The following CNTNAP5 variants were observed in gnomAD, a reference collection of about 807,000 sequenced individuals.
CNTNAP5 encodes the protein contactin associated protein family member 5, also known as contactin-associated protein-like 5.
Under a neutral mutation model 150.2 loss-of-function variants are expected in CNTNAP5, and 72 were observed. The observed-to-expected ratio is 0.48, with a 90% CI of 0.40 to 0.58. The LOEUF is 0.58. CNTNAP5 is among the 20% of genes least tolerant of loss of function. The pLI is 0.00. For missense variants in CNTNAP5, 1,636 were observed against 1,626.2 expected, an observed-to-expected ratio of 1.01 and a Z score of -0.10; for synonymous variants, 672 against 619.8, an observed-to-expected ratio of 1.08 and a Z score of -1.25.
intron 3 of CNTNAP5, among the ~76,000 whole-genome samples, chr2:124,386,659 C>A (rs1032974061): frequency 6.6e-6 from 1 of 152,232 alleles, no homozygotes; most frequent in Non-Finnish European, 1.5e-5. Context: ...TCCCCCTACA[C>A]ACTTTGACAG....
At chr2:124,471,146 A>G (rs943333349) in intron 6 of CNTNAP5, among the ~76,000 whole-genome samples, 10 of 152,166 alleles carry the variant, frequency 6.6e-5, no homozygotes, top group African/African-American at 1.9e-4. Context: ...CATTGAATCT[A>G]TACATTGCTT....
chr2:124,371,806 C>T (rs1028976817), intron 3 of CNTNAP5, among the ~76,000 whole-genome samples: 1 of 152,112 alleles, frequency 6.6e-6, no homozygotes, highest in African/African-American at 2.4e-5. Context: ...ACCACTTCCA[C>T]TTTCATTGAT....
chr2:124,656,055 T>G (rs1678450374), intron 13 of CNTNAP5, among the ~76,000 whole-genome samples: 1 of 120,678 alleles, frequency 8.3e-6, no homozygotes, highest in Non-Finnish European at 1.9e-5. Context: ...AATAAGACTT[T>G]ATCTCAAAAA....
intron 13 of CNTNAP5, among the ~76,000 whole-genome samples, chr2:124,711,180 A>G (rs1166385560): frequency 6.6e-6 from 1 of 152,134 alleles, no homozygotes; most frequent in African/African-American, 2.4e-5. Context: ...CTGAGACAGG[A>G]GAACAGCTTG....
intron 3 of CNTNAP5, among the ~76,000 whole-genome samples, chr2:124,295,188 T>C (rs1688390915): frequency 6.6e-6 from 1 of 151,744 alleles, no homozygotes. Flanking sequence ...TTGCACATGG[T>C]TCTCAGGTTG....
intron 1 of CNTNAP5, among the ~76,000 whole-genome samples, chr2:124,037,099 C>T (rs559894024): frequency 6.6e-6 from 1 of 152,266 alleles, no homozygotes; most frequent in South Asian, 2.1e-4. Flanking sequence ...GGCTCCTTCC[C>T]CATATCTAGA....
At chr2:124,097,689 C>A (rs1005088210) in intron 1 of CNTNAP5, among the ~76,000 whole-genome samples, 1 of 152,158 alleles carries the variant, frequency 6.6e-6, no homozygotes, top group African/African-American at 2.4e-5. Context: ...TTGGACATCG[C>A]AGGGTTTGGG....
At chr2:124,332,981 A>G (rs146099177) in intron 3 of CNTNAP5, among the ~76,000 whole-genome samples, 106 of 152,310 alleles carry the variant, frequency 7.0e-4, no homozygotes, top group Middle Eastern at 3.4e-3. Context: ...ATTCAGTACC[A>G]TGTAGACAGA....
At chr2:124,050,713 C>T (rs1681673754) in intron 1 of CNTNAP5, among the ~76,000 whole-genome samples, 1 of 152,122 alleles carries the variant, frequency 6.6e-6, no homozygotes, top group Admixed American at 6.5e-5. Flanking sequence ...CACCTGGTTC[C>T]TCTAGGATCC....
chr2:124,325,822 T>G (rs1689202596), intron 3 of CNTNAP5, among the ~76,000 whole-genome samples: 1 of 152,198 alleles, frequency 6.6e-6, no homozygotes, highest in Non-Finnish European at 1.5e-5. Context: ...CATATTCATT[T>G]AAAGAAATTG....
At chr2:124,162,289 T>C (rs1684699968) in intron 1 of CNTNAP5, among the ~76,000 whole-genome samples, 1 of 152,212 alleles carries the variant, frequency 6.6e-6, no homozygotes, top group Non-Finnish European at 1.5e-5. Context: ...GCATATTTAA[T>C]TTATGACAGA....
intron 10 of CNTNAP5, among the ~76,000 whole-genome samples, chr2:124,533,710 T>A (rs1695165006): frequency 6.6e-6 from 1 of 152,208 alleles, no homozygotes; most frequent in Non-Finnish European, 1.5e-5. Flanking sequence ...TGAGCTTTCC[T>A]GATCTTCCTC....
intron 13 of CNTNAP5, among the ~76,000 whole-genome samples, chr2:124,736,520 G>A (rs1056927938): frequency 1.7e-4 from 26 of 152,092 alleles, no homozygotes; most frequent in Admixed American, 5.9e-4. Context: ...GTTTTATATC[G>A]GTTTGTTTAA....
chr2:124,731,855 A>C (rs144061392), intron 13 of CNTNAP5, among the ~76,000 whole-genome samples: 1 of 151,082 alleles, frequency 6.6e-6, no homozygotes, highest in Non-Finnish European at 1.5e-5. Context: ...TGTGTGTATG[A>C]GTGTGAGTGT....
rs540051159 is a variant in CNTNAP5 at position 124,284,660 on chromosome 2, A to G, written c.381+42267A>G. On this transcript the variant is annotated intron_variant, in intron 3 of 23. Transcript: ENST00000682447. ...AAGAAAAAAGAACCAAAAAGAGAGCATCTTGTGTTCTCAAGAAACTAAAAG... is the reference window on the plus strand; with the variant it reads ...AAGAAAAAAGAACCAAAAAGAGAGCGTCTTGTGTTCTCAAGAAACTAAAAG... Among the ~76,000 whole-genome samples the G allele has an allele frequency of 7.2e-5, 11 of 152,264 alleles. No homozygotes were observed. In the East Asian group the frequency reaches 1.9e-3, roughly 27 times the overall value.
intron 6 of CNTNAP5, among the ~76,000 whole-genome samples, chr2:124,469,578 A>G (rs550426558): frequency 1.3e-5 from 2 of 151,126 alleles, no homozygotes; most frequent in African/African-American, 2.5e-5. Flanking sequence ...ACATTTTTAA[A>G]TTTTATGTTA....
chr2:124,409,101 G>A (rs1691675628), intron 3 of CNTNAP5, among the ~76,000 whole-genome samples: 1 of 143,892 alleles, frequency 6.9e-6, no homozygotes, highest in Non-Finnish European at 1.5e-5. Flanking sequence ...AGAAGCCTCA[G>A]GAGCCGATGC....
At chr2:124,835,933 C>CA (rs1192673238) in intron 19 of CNTNAP5, among the ~76,000 whole-genome samples, 1 of 152,024 alleles carries the variant, frequency 6.6e-6, no homozygotes, top group Non-Finnish European at 1.5e-5. Flanking sequence ...AGAAGGGCAC[C>CA]AATACCCTGG....
At chr2:124,583,960 A>G (rs1227903309) in intron 11 of CNTNAP5, among the ~76,000 whole-genome samples, 4 of 152,062 alleles carry the variant, frequency 2.6e-5, no homozygotes, top group African/African-American at 4.8e-5. Context: ...ATGGGTTTCA[A>G]TTTAACCTAG....
Sources: gnomAD v4.1 joint callset for allele counts (sites outside exome capture counted in the v4.1 genomes callset) on GRCh38, gnomAD v4.1.1 for gene constraint, MANE v1.5 for transcripts, NCBI Gene and HGNC (gene_info 2026-07-23, HGNC 2026-07-21) for gene names.